Variants in IMMP2L observed in about 807,000 individuals in gnomAD.
IMMP2L encodes the protein inner mitochondrial membrane peptidase subunit 2, also known as mitochondrial inner membrane protease subunit 2.
In IMMP2L, 18 loss-of-function variants were observed where a neutral mutation model predicts 19.3. That is an observed-to-expected ratio of 0.93 (90% CI 0.64 to 1.38). IMMP2L has a LOEUF of 1.38. Ranked by LOEUF, IMMP2L falls within the 40% of genes most tolerant of loss-of-function variation. The pLI, the probability that IMMP2L is intolerant of heterozygous loss-of-function variation, is 0.00. For synonymous variants in IMMP2L, 76 were observed against 73.0 expected (o/e 1.04, Z -0.21); for missense variants, 233 against 218.2 (o/e 1.07, Z -0.43).
At chr7:111,078,528 A>G (rs1795606476) in intron 3 of IMMP2L, among the ~76,000 whole-genome samples, 1 of 152,162 alleles carries the variant, frequency 6.6e-6, no homozygotes, top group African/African-American at 2.4e-5. Flanking sequence ...CACTAAAATA[A>G]TAAAGATTAT....
intron 5 of IMMP2L, among the ~76,000 whole-genome samples, chr7:110,822,036 TC>T: frequency 6.6e-6 from 1 of 152,242 alleles, no homozygotes; most frequent in East Asian, 1.9e-4. Flanking sequence ...CACTCTCCAA[TC>T]TTTTCTCCAA....
intron 3 of IMMP2L, among the ~76,000 whole-genome samples, chr7:111,388,303 T>A (rs2131302323): frequency 6.6e-6 from 1 of 152,024 alleles, no homozygotes; most frequent in Non-Finnish European, 1.5e-5. Flanking sequence ...AAGGGGAAAT[T>A]GGGCAAACAA....
intron 3 of IMMP2L, among the ~76,000 whole-genome samples, chr7:111,313,699 T>G (rs1823750165): frequency 6.6e-6 from 1 of 152,124 alleles, no homozygotes; most frequent in Admixed American, 6.6e-5. Flanking sequence ...GGAAATAGAA[T>G]CAGAGGAAAC....
At position 111,355,388 on chromosome 7, in the gene IMMP2L, C is replaced by G. The variant is rs141312820; in HGVS notation, c.239+131850G>C. On this transcript the variant is annotated intron_variant, in intron 3 of 5. Coordinates refer to ENST00000405709, the MANE Select transcript of IMMP2L (RefSeq NM_032549.4). ...TACACTATAAATCTTTAACCAGATA[C>G]TGTATAAATAAAAAGTGTTATTACT... 4.2e-3 allele frequency among the ~76,000 whole-genome samples: 636 copies of G among 151,674 alleles called. 5 individuals carry two copies. The highest frequency in any genetic ancestry group is 0.015 in the African/African-American group (610 of 41,468).
intron 3 of IMMP2L, among the ~76,000 whole-genome samples, chr7:111,207,493 T>A (rs924535515): frequency 2.0e-5 from 3 of 151,558 alleles, no homozygotes; most frequent in African/African-American, 7.3e-5. Flanking sequence ...CTAGCAAAGA[T>A]AGAGGCTTGC....
chr7:111,191,506 GC>G (rs1436928838), intron 3 of IMMP2L, among the ~76,000 whole-genome samples: 1 of 150,594 alleles, frequency 6.6e-6, no homozygotes, highest in Non-Finnish European at 1.5e-5. Flanking sequence ...TAAACAAATT[GC>G]CTTGACTGGG....
intron 3 of IMMP2L, among the ~76,000 whole-genome samples, chr7:111,049,223 C>G (rs1038150878): frequency 6.8e-6 from 1 of 146,062 alleles, no homozygotes; most frequent in Non-Finnish European, 1.5e-5. Flanking sequence ...CTCCGCCTCC[C>G]GGGTTCACGC....
chr7:111,105,082 T>A (rs939655004), intron 3 of IMMP2L, among the ~76,000 whole-genome samples: 1 of 151,870 alleles, frequency 6.6e-6, no homozygotes, highest in Non-Finnish European at 1.5e-5. Flanking sequence ...CCTATTTCCT[T>A]ACTAAAGGTC....
chr7:111,437,770 T>C (rs1347553782), intron 3 of IMMP2L, among the ~76,000 whole-genome samples: 1 of 151,860 alleles, frequency 6.6e-6, no homozygotes, highest in Non-Finnish European at 1.5e-5. Flanking sequence ...CCTTAAGAAA[T>C]TTTTTTATCT....
intron 3 of IMMP2L, among the ~76,000 whole-genome samples, chr7:111,158,935 A>T (rs1184979697): frequency 6.6e-6 from 1 of 152,154 alleles, no homozygotes; most frequent in Non-Finnish European, 1.5e-5. Flanking sequence ...TTAAATGGAG[A>T]GTCTTCTCTT....
intron 4 of IMMP2L, among the ~76,000 whole-genome samples, chr7:110,932,843 G>A (rs548527179): frequency 6.6e-6 from 1 of 152,284 alleles, no homozygotes; most frequent in East Asian, 1.9e-4. Flanking sequence ...TGAAAGAATA[G>A]GGTAAAAAAT....
rs77387277 is a variant in IMMP2L at position 111,233,152 on chromosome 7, T to C, written c.239+254086A>G. On this transcript the variant is annotated intron_variant, in intron 3 of 5. Coordinates refer to ENST00000405709, the MANE Select transcript of IMMP2L (RefSeq NM_032549.4). ...GAATGTACACTTTATCCAATGAACG[T>C]AGATTACATTCAATGCATGCACATA... Among the ~76,000 whole-genome samples, 296 of 152,276 alleles carry C rather than the reference T, an allele frequency of 1.9e-3. 2 individuals are homozygous for C. The highest frequency in any genetic ancestry group is 6.8e-3 in the African/African-American group (284 of 41,562).
chr7:111,513,915 A>G (rs1845662340), intron 2 of IMMP2L, among the ~76,000 whole-genome samples: 1 of 152,052 alleles, frequency 6.6e-6, no homozygotes, highest in Admixed American at 6.6e-5. Context: ...CATTATGTTA[A>G]ATGAAATAAG....
intron 4 of IMMP2L, among the ~76,000 whole-genome samples, chr7:110,920,402 C>G (rs975172587): frequency 2.0e-5 from 3 of 152,172 alleles, no homozygotes; most frequent in Non-Finnish European, 2.9e-5. Flanking sequence ...AACAGGGTTA[C>G]TGATTTATTC....
intron 3 of IMMP2L, among the ~76,000 whole-genome samples, chr7:111,020,499 C>T (rs140971942): frequency 6.6e-6 from 1 of 152,176 alleles, no homozygotes; most frequent in Admixed American, 6.5e-5. Flanking sequence ...GGGTGGCTCA[C>T]GCCTGTAATC....
intron 3 of IMMP2L, among the ~76,000 whole-genome samples, chr7:111,112,544 A>G (rs1799364138): frequency 6.6e-6 from 1 of 152,198 alleles, no homozygotes; most frequent in Admixed American, 6.5e-5. Context: ...ACTCAAAGCC[A>G]TAATTCAGGA....
At chr7:110,759,284 G>A (rs779922805) in intron 5 of IMMP2L, among the ~76,000 whole-genome samples, 9 of 152,048 alleles carry the variant, frequency 5.9e-5, no homozygotes, top group Non-Finnish European at 1.3e-4. Flanking sequence ...GTAACGATCT[G>A]TTTACATTTC....
intron 5 of IMMP2L, among the ~76,000 whole-genome samples, chr7:110,801,374 T>C (rs1801231704): frequency 6.6e-6 from 1 of 152,130 alleles, no homozygotes; most frequent in Admixed American, 6.6e-5. Context: ...AAGTATGCTC[T>C]CTAGACCTCT....
intron 5 of IMMP2L, among the ~76,000 whole-genome samples, chr7:110,854,265 CA>C (rs1440830192): frequency 6.6e-5 from 10 of 151,834 alleles, no homozygotes; most frequent in African/African-American, 2.4e-4. Context: ...TTTTATATAT[CA>C]GTGGAAAACT....
Sources: gnomAD v4.1 joint callset for allele counts (sites outside exome capture counted in the v4.1 genomes callset) on GRCh38, gnomAD v4.1.1 for gene constraint, MANE v1.5 for transcripts, NCBI Gene and HGNC (gene_info 2026-07-23, HGNC 2026-07-21) for gene names.